HDAC7: variants seen among roughly 807,000 people sequenced by gnomAD.
The protein encoded by HDAC7 is histone deacetylase 7A.
A neutral mutation model predicts 115.5 loss-of-function variants in HDAC7; 26 were observed. That is an observed-to-expected ratio of 0.23 (90% CI 0.16 to 0.31). The LOEUF is 0.31. HDAC7 is among the 10% of genes least tolerant of loss of function. The pLI, the probability that HDAC7 is intolerant of heterozygous loss-of-function variation, is 1.00. For synonymous variants in HDAC7, 564 were observed against 550.9 expected, an observed-to-expected ratio of 1.02 and a Z score of -0.33; for missense variants, 1,068 against 1,329.0, an observed-to-expected ratio of 0.80 and a Z score of 3.05.
intron 1 of HDAC7, among the ~76,000 whole-genome samples, chr12:47,804,222 G>A (rs1347046175): frequency 6.6e-5 from 10 of 152,212 alleles, no homozygotes; most frequent in Middle Eastern, 3.2e-3. Context: ...GTGTGCATGC[G>A]TGTTGGCAAC....
At chr12:47,807,449 G>A (rs1202826971) in intron 1 of HDAC7, among the ~76,000 whole-genome samples, 5 of 152,206 alleles carry the variant, frequency 3.3e-5, no homozygotes, top group Non-Finnish European at 5.9e-5. Context: ...AGGCCCAGCA[G>A]TATTAGATAA....
chr12:47,807,891 C>T (rs1490073056), intron 1 of HDAC7, among the ~76,000 whole-genome samples: 1 of 152,228 alleles, frequency 6.6e-6, no homozygotes, highest in Non-Finnish European at 1.5e-5. Context: ...AGTGCCCTGC[C>T]ATATCCCTTC....
chr12:47,798,350 G>A lies in HDAC7; in HGVS notation c.350-131C>T, dbSNP rs918221553. ...GACTCCCTAGGCAAGAGCCAAGCCC[G>A]AGGCCCTACCCCTCCCTAGAGCCTC... On this transcript the variant is annotated intron_variant, in intron 4 of 25. Transcript: ENST00000080059. This position sits in a 1 kb window ranked among gnomAD's most constrained non-coding sequence, Gnocchi z 4.3. The A allele has an allele frequency of 2.6e-5, 22 of 839,304 alleles. No individual in the cohort carries two copies. Among genetic ancestry groups the A allele is most frequent in the East Asian group, 1.2e-4 (5 of 40,022 alleles). The allele number at this position is 839,304 out of a possible 1,614,324, so 52.0% of individuals were successfully genotyped here. A position where few individuals can be genotyped will look rare whatever the true frequency, so the allele number is the denominator to read the frequency against.
intron 1 of HDAC7, 32 bp from the exon 2 acceptor site, chr12:47,802,306 C>G (rs766980923): frequency 1.2e-5 from 19 of 1,608,328 alleles, no homozygotes; most frequent in Non-Finnish European, 4.3e-6. Flanking sequence ...GAAAGAGCTG[C>G]AGGGAGGGGT....
In HDAC7 at chr12:47,793,132, G is replaced by C. The variant is rs1943616011; in HGVS notation, c.1678+237C>G. The stretch of plus-strand genomic sequence containing the variant: ...GCAGGAGACTGGAATTCTTATCCTG[G>C]CTTGACTACCACTTGCTATTTGACC... On this transcript the variant is annotated intron_variant, in intron 13 of 25. Transcript: ENST00000080059. This position sits in a 1 kb window ranked among gnomAD's most constrained non-coding sequence, Gnocchi z 4.5. 2 of 497,262 alleles carry C rather than the reference G, an allele frequency of 4.0e-6. No homozygotes were observed. The highest frequency in any genetic ancestry group is 7.1e-6 in the Non-Finnish European group (2 of 283,668). The allele number at this position is 497,262 out of a possible 1,614,324, so 30.8% of individuals were successfully genotyped here.
At chr12:47,820,177 C>T (rs867246929), upstream of HDAC7, among the ~76,000 whole-genome samples, 68 of 151,540 alleles carry the variant, frequency 4.5e-4, 1 homozygote, top group African/African-American at 1.6e-3. The surrounding 1 kb of genome is among the most constrained non-coding windows in gnomAD (Gnocchi z 4.3). Context: ...CGGCTCCGAG[C>T]CCCAGCCGCC....
chr12:47,805,178 C>G (rs1944344113), intron 1 of HDAC7, among the ~76,000 whole-genome samples: 1 of 151,746 alleles, frequency 6.6e-6, no homozygotes, highest in African/African-American at 2.4e-5. Flanking sequence ...TCAGGCAATT[C>G]TCCTGCCTCA....
intron 16 of HDAC7, 194 bp downstream of exon 16, chr12:47,791,065 A>G: frequency 1.6e-6 from 1 of 623,236 alleles, no homozygotes; most frequent in East Asian, 2.8e-5. Flanking sequence ...CATTCGGGGG[A>G]GACTGTGGGT....
chr12:47,814,844 C>G (rs114088610), intron 1 of HDAC7, among the ~76,000 whole-genome samples: 7,176 of 152,312 alleles, frequency 0.047, 569 homozygotes, highest in African/African-American at 0.16. Flanking sequence ...GCAGTCCTCC[C>G]CTGGCCACCC....
rs771719953 is a variant in HDAC7, at chr12:47,785,416, C to T, written c.2762G>A (p.Arg921His). Reference sequence around the variant, plus strand: ...CACCCGGATCACGGCCTCCAGAGAGCGGATGGCATTGAGGTTGGGTTTCTG... The same window carrying T: ...CACCCGGATCACGGCCTCCAGAGAGTGGATGGCATTGAGGTTGGGTTTCTG... ...WKQKPNLNAI[R>H]SLEAVIRVHS... Residue 921 changes from arginine to histidine, a missense_variant, in exon 24 of 26, where the codon CGC becomes CAC. Coordinates refer to ENST00000080059, the MANE Select transcript of HDAC7 (RefSeq NM_015401.5). The T allele has an allele frequency of 5.6e-6, 9 of 1,612,582 alleles. No individual in the cohort carries two copies. Among genetic ancestry groups the T allele is most frequent in the African/African-American group, 2.7e-5 (2 of 74,816 alleles).
In HDAC7 at chr12:47,805,344, A is replaced by G. The variant is rs138528274; in HGVS notation, c.20-3070T>C. Among the ~76,000 whole-genome samples, 702 of 152,030 alleles carry G rather than the reference A, an allele frequency of 4.6e-3. 5 individuals carry two copies. Among genetic ancestry groups the G allele is most frequent in the African/African-American group, 0.016 (654 of 41,488 alleles). Reference sequence around the variant, plus strand: ...AGCGATCCTCCCCGCTCATCTTCAAAGTCTTTGTTGAGGCTGTTCCCACCT... The same window carrying G: ...AGCGATCCTCCCCGCTCATCTTCAAGGTCTTTGTTGAGGCTGTTCCCACCT... On this transcript the variant is annotated intron_variant, in intron 1 of 25. Transcript: ENST00000080059.
intron 12 of HDAC7, 80 bp downstream of exon 12, chr12:47,794,680 C>T: frequency 1.4e-6 from 2 of 1,391,168 alleles, no homozygotes; most frequent in Non-Finnish European, 9.6e-7. Context: ...GATGTCGTAT[C>T]TCCCTCCCTT....
intron 20 of HDAC7, 33 bp downstream of exon 20, chr12:47,788,012 A>G (rs1397067694): frequency 6.3e-7 from 1 of 1,598,236 alleles, no homozygotes; most frequent in African/African-American, 1.3e-5. Context: ...GAGGTCAATG[A>G]GGCTGGAAGA....
intron 14 of HDAC7, 66 bp from the exon 15 acceptor site, chr12:47,791,772 T>C (rs1446499289): frequency 3.1e-6 from 5 of 1,592,752 alleles, no homozygotes; most frequent in Admixed American, 3.4e-5. Flanking sequence ...CACCACCCCA[T>C]GTGCCCCTCA....
Position 47,793,671 on chromosome 12 carries a change from A to G in HDAC7, c.1459-83T>C. The G allele has an allele frequency of 2.8e-6, 3 of 1,059,320 alleles. No individual in the cohort carries two copies. The highest frequency in any genetic ancestry group is 2.7e-6 in the Non-Finnish European group (2 of 749,618). The allele number at this position is 1,059,320 out of a possible 1,614,324, so 65.6% of individuals were successfully genotyped here. ...CTGCCTGAGGTCTTGGGAACTGCCA[A>G]GCAGGCCCCTTTCCTAGAGAGATTC... On this transcript the variant is annotated intron_variant, in intron 12 of 25. Transcript: ENST00000080059. The surrounding 1 kb of genome is among the most constrained non-coding windows in gnomAD (Gnocchi z 4.5).
At chr12:47,784,353 T>A in intron 24 of HDAC7, 136 bp from the exon 25 acceptor site, 1 of 887,364 alleles carries the variant, frequency 1.1e-6, no homozygotes, top group Non-Finnish European at 1.7e-6. Context: ...TAGGGTCGGC[T>A]CTCCCACCTG....
In HDAC7 at chr12:47,793,594, G is replaced by C. The variant is rs1045270516; in HGVS notation, c.1459-6C>G. 9.8e-6 allele frequency: 15 copies of C among 1,529,746 alleles called. No individual in the cohort carries two copies. The Admixed American group carries it at 1.2e-4, about 12-fold the overall frequency. The allele number at this position is 1,529,746 out of a possible 1,614,324, so 94.8% of individuals were successfully genotyped here. On this transcript the variant is annotated splice_region_variant and splice_polypyrimidine_tract_variant and intron_variant, in intron 12 of 25. Transcript: ENST00000080059. The surrounding 1 kb of genome is among the most constrained non-coding windows in gnomAD (Gnocchi z 4.5). Reference sequence around the variant, plus strand: ...TGCTGTTCCCAGAGCAACACCTAGGGGAAAGATGGGGCCTTGGTCTCCAGT... The same window carrying C: ...TGCTGTTCCCAGAGCAACACCTAGGCGAAAGATGGGGCCTTGGTCTCCAGT...
chr12:47,811,068 G>GAGGCATCTC (rs2137054941), intron 1 of HDAC7, among the ~76,000 whole-genome samples: 1 of 152,282 alleles, frequency 6.6e-6, no homozygotes, highest in East Asian at 1.9e-4. Flanking sequence ...AAACCGAACT[G>GAGGCATCTC]AGGCATCTCG....
At chr12:47,802,461 G>A (rs775573200) in intron 1 of HDAC7, 187 bp from the exon 2 acceptor site, 1 of 1,551,162 alleles carries the variant, frequency 6.4e-7, no homozygotes, top group Non-Finnish European at 8.7e-7. Flanking sequence ...CAGTCCCCCT[G>A]CTGGTGAAAA....
Sources: allele counts gnomAD v4.1 joint callset (sites outside exome capture counted in the v4.1 genomes callset), GRCh38; gene constraint gnomAD v4.1.1; non-coding constraint Gnocchi (gnomAD v3.1); transcripts MANE v1.5; gene names NCBI Gene and HGNC (gene_info 2026-07-23, HGNC 2026-07-21).